Variants in DDHD2 observed in about 807,000 individuals in gnomAD.
The protein encoded by DDHD2 is triacylglycerol hydrolase DDHD2.
In DDHD2, 62 loss-of-function variants were observed where a neutral mutation model predicts 91.2. The ratio of observed to expected loss-of-function variants is 0.68; its 90% CI spans 0.55 to 0.84. The LOEUF (loss-of-function observed/expected upper bound fraction) is 0.84. Among genes scored for constraint, DDHD2 ranks in the 40% least tolerant of loss-of-function variants. The pLI, the probability that DDHD2 is intolerant of heterozygous loss-of-function variation, is 0.00. For missense variants in DDHD2, 740 were observed against 846.9 expected, an observed-to-expected ratio of 0.87 and a Z score of 1.57; for synonymous variants, 271 against 293.9, an observed-to-expected ratio of 0.92 and a Z score of 0.80.
At chr8:38,260,196 T>C in intron 17 of DDHD2, 49 bp downstream of exon 17, 3 of 1,065,398 alleles carry the variant, frequency 2.8e-6, no homozygotes, top group Admixed American at 1.8e-5. Context: ...CATATTAACA[T>C]GTTATAATGA....
At chr8:38,264,945 G>A, downstream of DDHD2, 1 of 1,604,556 alleles carries the variant, frequency 6.2e-7, no homozygotes, top group Non-Finnish European at 8.5e-7. Flanking sequence ...ACCATTTAAA[G>A]GGTCCTAGAG....
intron 11 of DDHD2, 53 bp from the exon 12 acceptor site, chr8:38,251,859 A>T: frequency 1.5e-6 from 2 of 1,315,834 alleles, no homozygotes; most frequent in African/African-American, 1.4e-5. Context: ...CTGGGACTAC[A>T]GGTGCATGCC....
chr8:38,264,425 G>A (rs1484458562), downstream of DDHD2: 4 of 1,530,400 alleles, frequency 2.6e-6, no homozygotes, highest in Middle Eastern at 1.7e-4. Flanking sequence ...GAGCCACCAC[G>A]CCCGGCCAGA....
rs946249877 is a variant in DDHD2, at chr8:38,238,359, C to T, written c.622+150C>T. ...TTCCAAGTTGAGATTAGCATCACTT[C>T]GTCTACTAAGAATCTTAATAGATGT... On this transcript the variant is annotated intron_variant, in intron 5 of 17. Coordinates refer to ENST00000397166, the MANE Select transcript of DDHD2 (RefSeq NM_015214.3). 18 of 1,432,246 alleles carry T rather than the reference C, an allele frequency of 1.3e-5. No individual in the cohort carries two copies. In the East Asian group the frequency reaches 3.4e-4, roughly 27 times the overall value. The allele number at this position is 1,432,246 out of a possible 1,614,324, so 88.7% of individuals were successfully genotyped here. A position where few individuals can be genotyped will look rare whatever the true frequency, so the allele number is the denominator to read the frequency against.
chr8:38,246,884 T>G (rs929908311), intron 9 of DDHD2: 34 of 152,346 alleles, frequency 2.2e-4, no homozygotes, highest in African/African-American at 8.2e-4. Context: ...ATGGAATCAT[T>G]GAGCTAAATG....
intron 1 of DDHD2, chr8:38,268,390 G>A (rs771770473): frequency 3.2e-6 from 5 of 1,569,944 alleles, no homozygotes; most frequent in Admixed American, 1.9e-5. Context: ...CTTGTCTGCT[G>A]TCTCTTGTGT....
intron 7 of DDHD2, among the ~76,000 whole-genome samples, chr8:38,243,687 G>C (rs964294186): frequency 3.3e-5 from 5 of 151,806 alleles, no homozygotes; most frequent in Non-Finnish European, 7.4e-5. Flanking sequence ...GAGTGCAGTG[G>C]TGTGATCACA....
Position 38,247,942 on chromosome 8 carries a change from A to G in DDHD2, c.1248+107A>G, listed in dbSNP as rs375459304. 87 of 837,862 alleles carry G rather than the reference A, an allele frequency of 1.0e-4. No individual in the cohort carries two copies. The African/African-American group carries it at 1.3e-3, about 12-fold the overall frequency. 51.9% of individuals were successfully genotyped at this position (837,862 alleles called of 1,614,324 possible). On this transcript the variant is annotated intron_variant, in intron 10 of 17. Coordinates refer to ENST00000397166, the MANE Select transcript of DDHD2 (RefSeq NM_015214.3). ...GACACTTTTTAGTCATAAATACTTT[A>G]TGATTAATGTTCCTTAGCATTATTT...
At position 38,249,391 on chromosome 8, in the gene DDHD2, C is replaced by G. The variant is rs370532130; in HGVS notation, c.1249-317C>G. ...TGCTGGGATTACAGGCGTGAGCCAC[C>G]GCGCCTGGCCAGAAATCAAGGAAGA... On this transcript the variant is annotated intron_variant, in intron 10 of 17. Transcript: ENST00000397166. 1.3e-3 allele frequency among the ~76,000 whole-genome samples: 190 copies of G among 151,550 alleles called. 1 individual carries two copies. The highest frequency in any genetic ancestry group is 4.3e-3 in the African/African-American group (176 of 41,320).
In DDHD2 at chr8:38,238,343, G is replaced by A. The variant is rs892053702; in HGVS notation, c.622+134G>A. 1.6e-5 allele frequency: 23 copies of A among 1,458,046 alleles called. No homozygotes were observed. The Middle Eastern group carries it at 1.1e-3, about 72-fold the overall frequency. The allele number at this position is 1,458,046 out of a possible 1,614,324, so 90.3% of individuals were successfully genotyped here. A position where few individuals can be genotyped will look rare whatever the true frequency, so the allele number is the denominator to read the frequency against. On this transcript the variant is annotated intron_variant, in intron 5 of 17. Coordinates refer to ENST00000397166, the MANE Select transcript of DDHD2 (RefSeq NM_015214.3). The stretch of plus-strand genomic sequence containing the variant: ...TAATCATATGGGTTTATTCCAAGTT[G>A]AGATTAGCATCACTTCGTCTACTAA...
At chr8:38,242,799 AAAC>A (rs1282429475) in intron 7 of DDHD2, among the ~76,000 whole-genome samples, 3 of 152,234 alleles carry the variant, frequency 2.0e-5, no homozygotes, top group Admixed American at 6.5e-5. Flanking sequence ...CTCAAACATT[AAAC>A]TACTAGCATT....
At chr8:38,268,397 G>T (rs1342145527) in intron 1 of DDHD2, 1 of 1,572,794 alleles carries the variant, frequency 6.4e-7, no homozygotes, top group South Asian at 1.2e-5. Flanking sequence ...GCTGTCTCTT[G>T]TGTCTGCCTT....
intron 1 of DDHD2, chr8:38,268,396 T>C: frequency 6.4e-7 from 1 of 1,572,468 alleles, no homozygotes; most frequent in Non-Finnish European, 8.6e-7. Context: ...TGCTGTCTCT[T>C]GTGTCTGCCT....
intron 7 of DDHD2, among the ~76,000 whole-genome samples, chr8:38,243,567 C>T (rs772617685): frequency 4.3e-4 from 66 of 152,216 alleles, no homozygotes; most frequent in Admixed American, 9.8e-4. Context: ...CTGCCTCAAC[C>T]GTATCTTCAT....
At chr8:38,252,591 A>ATG in intron 13 of DDHD2, 131 bp from the exon 14 acceptor site, 1 of 704,932 alleles carries the variant, frequency 1.4e-6, no homozygotes, top group South Asian at 2.0e-5. Flanking sequence ...ACAGTGAGCC[A>ATG]TGATTGCACC....
downstream of DDHD2, chr8:38,263,416 TGAATG>T: frequency 3.0e-6 from 3 of 985,428 alleles, no homozygotes; most frequent in Non-Finnish European, 3.6e-6. Context: ...TCTTCAGTCA[TGAATG>T]GAAGGAAAGA....
intron 1 of DDHD2, among the ~76,000 whole-genome samples, chr8:38,232,465 A>T (rs1242882456): frequency 6.6e-6 from 1 of 152,260 alleles, no homozygotes; most frequent in African/African-American, 2.4e-5. Flanking sequence ...ACCACCACCC[A>T]TTAAGCGACT....
chr8:38,249,736 A>C lies in DDHD2; in HGVS notation c.1277A>C (p.Glu426Ala), dbSNP rs1805956115. 2 of 1,611,844 alleles carry C rather than the reference A, an allele frequency of 1.2e-6. No individual in the cohort carries two copies. Among genetic ancestry groups the C allele is most frequent in the South Asian group, 1.1e-5 (1 of 91,010 alleles). ...LALCTDRDLQ[E>A]IGIPLGPRKK... ...TTATGTACAGACCGAGATCTTCAGGAAATAGGAATTCCTTTAGGACCAAGA... is the reference window on the plus strand; with the variant it reads ...TTATGTACAGACCGAGATCTTCAGGCAATAGGAATTCCTTTAGGACCAAGA... The change falls in exon 11 of 18, where the codon GAA (glutamate) becomes GCA (alanine). Residue 426 changes from glutamate to alanine, a missense_variant. Around this residue, in one of 2 missense-constraint regions of DDHD2, gnomAD observed 693 missense variants for 764.2 expected, o/e 0.91. Coordinates refer to ENST00000397166, the MANE Select transcript of DDHD2 (RefSeq NM_015214.3).
At chr8:38,244,547 C>T (rs554677813) in intron 7 of DDHD2, among the ~76,000 whole-genome samples, 6 of 151,224 alleles carry the variant, frequency 4.0e-5, no homozygotes, top group African/African-American at 1.2e-4. Flanking sequence ...TGAGCCACTG[C>T]GCCGGCCTGA....
Sources: gnomAD v4.1 joint callset for allele counts (sites outside exome capture counted in the v4.1 genomes callset) on GRCh38, gnomAD v4.1.1 for gene constraint, gnomAD v4.1.1 regional missense constraint, MANE v1.5 for transcripts, NCBI Gene and HGNC (gene_info 2026-07-23, HGNC 2026-07-21) for gene names.